The following COP1 variants were observed in gnomAD, a reference collection of about 807,000 sequenced individuals.
The protein encoded by COP1 is COP1 E3 ubiquitin ligase.
In COP1, 24 loss-of-function variants were observed where a neutral mutation model predicts 101.3. The ratio of observed to expected loss-of-function variants is 0.24; its 90% CI spans 0.17 to 0.33. The LOEUF (loss-of-function observed/expected upper bound fraction) is 0.33. Ranked by LOEUF, COP1 falls within the 10% of genes least tolerant of loss-of-function variation. COP1 has a pLI of 1.00. For missense variants in COP1, 663 were observed against 906.2 expected, an observed-to-expected ratio of 0.73 and a Z score of 3.45; for synonymous variants, 347 against 341.9, an observed-to-expected ratio of 1.01 and a Z score of -0.17.
intron 15 of COP1, among the ~76,000 whole-genome samples, chr1:175,993,815 A>G (rs1659348968): frequency 6.6e-6 from 1 of 152,190 alleles, no homozygotes; most frequent in African/African-American, 2.4e-5. Flanking sequence ...GTTGGAAAAC[A>G]CTCTGCAGGA....
intron 11 of COP1, among the ~76,000 whole-genome samples, chr1:176,051,581 TA>T (rs954116343): frequency 1.3e-5 from 2 of 151,310 alleles, no homozygotes; most frequent in East Asian, 1.9e-4. Context: ...CTACTTATTT[TA>T]AAAAAAAACA....
chr1:176,206,914 G>C lies in COP1; in HGVS notation c.65C>G (p.Ser22Cys). 1 of 1,463,782 alleles carries C rather than the reference G, an allele frequency of 6.8e-7. No individual in the cohort carries two copies. Among genetic ancestry groups the C allele is most frequent in the Non-Finnish European group, 9.0e-7 (1 of 1,113,198 alleles). The allele number at this position is 1,463,782 out of a possible 1,614,324, so 90.7% of individuals were successfully genotyped here. A position where few individuals can be genotyped will look rare whatever the true frequency, so the allele number is the denominator to read the frequency against. The change falls in exon 1 of 20, where the codon TCC becomes TGC. Residue 22 changes from serine to cysteine, a missense_variant. Around this residue, in one of 4 missense-constraint regions of COP1, gnomAD observed 204 missense variants for 203.6 expected, o/e 1.00. Coordinates refer to ENST00000367669, the MANE Select transcript of COP1 (RefSeq NM_022457.7). ...AGTSPGSSAA[S>C]SVTSASSSLS... ...AGACGAGGAGGCGGAAGTCACCGAGGAGGCCGCCGAGGACCCGGGGCTTGT... is the reference window on the plus strand; with the variant it reads ...AGACGAGGAGGCGGAAGTCACCGAGCAGGCCGCCGAGGACCCGGGGCTTGT...
At chr1:175,995,957 T>C (rs1316080438) in intron 15 of COP1, among the ~76,000 whole-genome samples, 1 of 152,128 alleles carries the variant, frequency 6.6e-6, no homozygotes, top group East Asian at 1.9e-4. Flanking sequence ...AAGAGAATTT[T>C]AGACCAATAT....
At chr1:176,203,103 A>C (rs946697243) in intron 1 of COP1, among the ~76,000 whole-genome samples, 7 of 151,792 alleles carry the variant, frequency 4.6e-5, no homozygotes, top group East Asian at 1.9e-4. Flanking sequence ...TTTGGGAGGC[A>C]GAGGCGGGCG....
At chr1:176,129,375 C>G (rs1435591607) in intron 8 of COP1, among the ~76,000 whole-genome samples, 3 of 151,770 alleles carry the variant, frequency 2.0e-5, no homozygotes, top group African/African-American at 4.8e-5. Context: ...CATAAATCTC[C>G]TCCTTCCTCT....
intron 1 of COP1, among the ~76,000 whole-genome samples, chr1:176,202,570 C>T (rs536488403): frequency 6.6e-6 from 1 of 151,890 alleles, no homozygotes; most frequent in East Asian, 2.0e-4. Flanking sequence ...TGGTGGCACC[C>T]GTCTCTAATC....
In COP1 at chr1:176,171,157, T is replaced by C. The variant is rs567837847; in HGVS notation, c.565+4753A>G. On this transcript the variant is annotated intron_variant, in intron 3 of 19. Transcript: ENST00000367669. ...AAAAAAAAAAAAAAAAAGTAGGCTGTTATATCTACACTGAAAATCTGTCAT... is the reference window on the plus strand; with the variant it reads ...AAAAAAAAAAAAAAAAAGTAGGCTGCTATATCTACACTGAAAATCTGTCAT... 7.3e-5 allele frequency among the ~76,000 whole-genome samples: 11 copies of C among 150,674 alleles called. No homozygotes were observed. In the East Asian group the frequency reaches 2.0e-3, roughly 27 times the overall value.
At chr1:175,986,755 G>C (rs1657219847) in intron 18 of COP1, among the ~76,000 whole-genome samples, 188 bp downstream of exon 18, 1 of 152,208 alleles carries the variant, frequency 6.6e-6, no homozygotes, top group Non-Finnish European at 1.5e-5. Context: ...ATGACACCAT[G>C]ACATTGCTCT....
chr1:176,047,378 A>G (rs1671703659), intron 11 of COP1, among the ~76,000 whole-genome samples: 1 of 152,184 alleles, frequency 6.6e-6, no homozygotes, highest in South Asian at 2.1e-4. Context: ...TGAAGATTAG[A>G]GGTGAGGTAA....
chr1:176,056,518 G>A (rs1337459264), intron 11 of COP1, among the ~76,000 whole-genome samples: 1 of 152,154 alleles, frequency 6.6e-6, no homozygotes. Flanking sequence ...GGGCGTGTGT[G>A]TGTGTGTGTA....
chr1:176,135,141 A>G lies in COP1; in HGVS notation c.892-55T>C, dbSNP rs1379559246. On this transcript the variant is annotated intron_variant, in intron 7 of 19. Transcript: ENST00000367669. ...GATATTTCAAATAGAAGATATATAA[A>G]TCAAAAAGAGGCATGATATATTCCT... 2.5e-6 allele frequency: 3 copies of G among 1,198,732 alleles called. No homozygotes were observed. The East Asian group carries it at 7.7e-5, about 31-fold the overall frequency. The allele number at this position is 1,198,732 out of a possible 1,614,324, so 74.3% of individuals were successfully genotyped here. A position where few individuals can be genotyped will look rare whatever the true frequency, so the allele number is the denominator to read the frequency against.
intron 8 of COP1, among the ~76,000 whole-genome samples, chr1:176,121,033 GACT>G (rs2149631112): frequency 6.6e-6 from 1 of 151,956 alleles, no homozygotes; most frequent in African/African-American, 2.4e-5. Flanking sequence ...CATAAAATTA[GACT>G]ATTATCATTG....
chr1:176,142,704 C>A (rs1690890614), intron 6 of COP1, among the ~76,000 whole-genome samples: 1 of 150,356 alleles, frequency 6.7e-6, no homozygotes. Flanking sequence ...GCAATTATAA[C>A]AGAAATCCAG....
intron 14 of COP1, among the ~76,000 whole-genome samples, chr1:176,033,402 G>T (rs1218192439): frequency 6.6e-6 from 1 of 152,000 alleles, no homozygotes. Flanking sequence ...ACTCCAGCCT[G>T]GGCAACAAGA....
chr1:175,963,103 T>C (rs929872604), intron 18 of COP1, among the ~76,000 whole-genome samples: 1 of 152,128 alleles, frequency 6.6e-6, no homozygotes, highest in Non-Finnish European at 1.5e-5. Context: ...ATAATTAAAT[T>C]ATTTAATAAC....
At chr1:176,091,693 C>CACTCTATCTA (rs1681351920) in intron 9 of COP1, among the ~76,000 whole-genome samples, 1 of 151,960 alleles carries the variant, frequency 6.6e-6, no homozygotes, top group Non-Finnish European at 1.5e-5. Context: ...AGTGATAGAA[C>CACTCTATCTA]AGGTAACAAT....
chr1:176,033,154 G>A (rs1668911838), intron 14 of COP1, among the ~76,000 whole-genome samples: 1 of 152,150 alleles, frequency 6.6e-6, no homozygotes, highest in Admixed American at 6.5e-5. Context: ...GCTCATGCCT[G>A]TAATCCCAGC....
At chr1:175,986,381 T>C (rs1457697202) in intron 18 of COP1, among the ~76,000 whole-genome samples, 1 of 152,194 alleles carries the variant, frequency 6.6e-6, no homozygotes, top group Non-Finnish European at 1.5e-5. Flanking sequence ...AGTGAAAAGT[T>C]TGAGGCAACT....
At chr1:176,114,694 C>A (rs1685887868) in intron 9 of COP1, among the ~76,000 whole-genome samples, 1 of 151,950 alleles carries the variant, frequency 6.6e-6, no homozygotes, top group East Asian at 1.9e-4. Context: ...TTCAAGGTAT[C>A]CTCCCACCTT....
Sources: allele counts gnomAD v4.1 joint callset (sites outside exome capture counted in the v4.1 genomes callset), GRCh38; gene constraint gnomAD v4.1.1; regional missense constraint gnomAD v4.1.1; transcripts MANE v1.5; gene names NCBI Gene and HGNC (gene_info 2026-07-23, HGNC 2026-07-21).